Variants in RBMS1 observed in about 807,000 individuals in gnomAD.
RBMS1 encodes the protein RNA-binding motif, single-stranded-interacting protein 1.
Under a neutral mutation model 62.3 loss-of-function variants are expected in RBMS1, and 17 were observed. The ratio of observed to expected loss-of-function variants is 0.27; its 90% CI spans 0.19 to 0.41. The LOEUF is 0.41. RBMS1 is among the 10% of genes least tolerant of loss of function. RBMS1 has a pLI of 1.00. For synonymous variants in RBMS1, 172 were observed against 170.0 expected, an observed-to-expected ratio of 1.01 and a Z score of -0.09; for missense variants, 334 against 504.5, an observed-to-expected ratio of 0.66 and a Z score of 3.24.
chr2:160,357,012 G>GT (rs1277316219), intron 2 of RBMS1, among the ~76,000 whole-genome samples: 1 of 152,050 alleles, frequency 6.6e-6, no homozygotes, highest in Admixed American at 6.6e-5. Flanking sequence ...AGATTCAACA[G>GT]TAACTCAATA....
intron 2 of RBMS1, among the ~76,000 whole-genome samples, chr2:160,366,245 T>C (rs369002069): frequency 2.0e-5 from 3 of 152,214 alleles, no homozygotes; most frequent in Non-Finnish European, 2.9e-5. Flanking sequence ...CAAGTTAGTT[T>C]TGAATTTTTT....
intron 6 of RBMS1, among the ~76,000 whole-genome samples, chr2:160,299,657 A>G (rs1256286856): frequency 6.6e-6 from 1 of 152,214 alleles, no homozygotes; most frequent in Non-Finnish European, 1.5e-5. Flanking sequence ...AAGGGGACTG[A>G]TAAGACTGGA....
chr2:160,348,249 T>C (rs1045786528), intron 2 of RBMS1, among the ~76,000 whole-genome samples: 5 of 152,114 alleles, frequency 3.3e-5, no homozygotes, highest in African/African-American at 1.2e-4. Context: ...AGGTGTCTCA[T>C]TCAAAATATC....
intron 1 of RBMS1, among the ~76,000 whole-genome samples, chr2:160,378,145 A>G (rs75387477): frequency 3.6e-5 from 2 of 55,694 alleles, no homozygotes; most frequent in African/African-American, 1.8e-4. Flanking sequence ...TGCTTTAAAG[A>G]AAAAAAAAAA....
chr2:160,347,086 A>G lies in RBMS1; in HGVS notation c.251+20130T>C, dbSNP rs921796315. Among the ~76,000 whole-genome samples, 18 of 152,296 alleles carry G rather than the reference A, an allele frequency of 1.2e-4. No homozygotes were observed. In the East Asian group the frequency reaches 3.3e-3, roughly 28 times the overall value. On this transcript the variant is annotated intron_variant, in intron 2 of 13. Transcript: ENST00000348849. ...TTAACTTAAATCATGTAAGAAATGA[A>G]TATCAGAAAAATGAATGACTTTGAA... is the stretch of plus-strand genomic sequence containing the variant.
chr2:160,457,953 T>TTTGTTGTTGTTGTTG (rs60006211), intron 1 of RBMS1, among the ~76,000 whole-genome samples: 1 of 150,446 alleles, frequency 6.6e-6, no homozygotes, highest in Non-Finnish European at 1.5e-5. Context: ...TATTGGTTTG[T>TTTGTTGTTGTTGTTG]TTGTTGTTGT....
chr2:160,412,910 G>C (rs981396686), intron 1 of RBMS1, among the ~76,000 whole-genome samples: 2 of 152,116 alleles, frequency 1.3e-5, no homozygotes, highest in East Asian at 3.9e-4. Flanking sequence ...CGTCCTAGAG[G>C]ACCCAACACC....
chr2:160,401,890 C>G (rs1327024997), intron 1 of RBMS1: 1 of 152,114 alleles, frequency 6.6e-6, no homozygotes, highest in Non-Finnish European at 1.5e-5. Context: ...ATGGTGGGAT[C>G]CACTTTTCTA....
chr2:160,341,568 G>A (rs1301975256), intron 2 of RBMS1, among the ~76,000 whole-genome samples: 2 of 152,056 alleles, frequency 1.3e-5, no homozygotes, highest in African/African-American at 4.8e-5. Flanking sequence ...GGCCCAGAAA[G>A]GAATCAGAAC....
intron 1 of RBMS1, among the ~76,000 whole-genome samples, chr2:160,391,049 T>C (rs1694842928): frequency 6.6e-6 from 1 of 151,814 alleles, no homozygotes. Context: ...TTTGCCTAAA[T>C]TGAATGTCTC....
intron 1 of RBMS1, among the ~76,000 whole-genome samples, chr2:160,470,496 C>T (rs959631772): frequency 6.6e-6 from 1 of 152,146 alleles, no homozygotes; most frequent in Non-Finnish European, 1.5e-5. Flanking sequence ...TCATTACTAT[C>T]GTTATTGTTA....
chr2:160,443,366 C>T (rs926281135), intron 1 of RBMS1, among the ~76,000 whole-genome samples: 2 of 152,088 alleles, frequency 1.3e-5, no homozygotes, highest in African/African-American at 4.8e-5. Flanking sequence ...GTGCTATAGT[C>T]TGAATATTTG....
chr2:160,345,232 G>A (rs887017817), intron 2 of RBMS1, among the ~76,000 whole-genome samples: 1 of 152,070 alleles, frequency 6.6e-6, no homozygotes, highest in Non-Finnish European at 1.5e-5. Context: ...CAACAGCCCA[G>A]AAAAGAGGGC....
chr2:160,407,693 C>T, intron 1 of RBMS1: 1 of 981,892 alleles, frequency 1.0e-6, no homozygotes, highest in Non-Finnish European at 1.2e-6. Context: ...GCTGCAGCTC[C>T]GCGCTGACTT....
At chr2:160,429,308 T>A (rs1166682664) in intron 1 of RBMS1, among the ~76,000 whole-genome samples, 1 of 152,190 alleles carries the variant, frequency 6.6e-6, no homozygotes, top group African/African-American at 2.4e-5. Flanking sequence ...GGACCCACCA[T>A]AACTCACACA....
intron 2 of RBMS1, among the ~76,000 whole-genome samples, chr2:160,357,315 T>C (rs1022400688): frequency 1.6e-4 from 24 of 152,260 alleles, no homozygotes; most frequent in Admixed American, 6.5e-4. Flanking sequence ...GCCAACAGCT[T>C]GTGTGCAGTA....
At chr2:160,416,030 T>C (rs968053086) in intron 1 of RBMS1, 4 of 150,836 alleles carry the variant, frequency 2.7e-5, no homozygotes, top group African/African-American at 7.3e-5. Context: ...AGTACTGAAA[T>C]AGGATATTTA....
At chr2:160,324,944 ATG>A (rs1366581594) in intron 2 of RBMS1, among the ~76,000 whole-genome samples, 5 of 147,008 alleles carry the variant, frequency 3.4e-5, no homozygotes, top group Non-Finnish European at 6.0e-5. Flanking sequence ...ACACATATAT[ATG>A]CGCCAATTAT....
intron 4 of RBMS1, among the ~76,000 whole-genome samples, chr2:160,311,232 C>CTATATATCTATCTATATATATA (rs1689866017): frequency 1.3e-5 from 1 of 79,252 alleles, no homozygotes; most frequent in African/African-American, 4.4e-5. Flanking sequence ...ATCTATCTAT[C>CTATATATCTATCTATATATATA]TATATATATA....
Sources: allele counts gnomAD v4.1 joint callset (sites outside exome capture counted in the v4.1 genomes callset), GRCh38; gene constraint gnomAD v4.1.1; transcripts MANE v1.5; gene names NCBI Gene and HGNC (gene_info 2026-07-23, HGNC 2026-07-21).